ZDHHC14: variants seen among roughly 807,000 people sequenced by gnomAD.
ZDHHC14 encodes zDHHC palmitoyltransferase 14, also known as palmitoyltransferase ZDHHC14.
In ZDHHC14, 16 loss-of-function variants were observed where a neutral mutation model predicts 47.7. The ratio of observed to expected loss-of-function variants is 0.34; its 90% CI spans 0.23 to 0.51. The LOEUF (loss-of-function observed/expected upper bound fraction) is 0.51, where lower values mean the gene tolerates loss of function less well. Among genes scored for constraint, ZDHHC14 ranks in the 20% least tolerant of loss-of-function variants. The pLI is 0.97. For missense variants in ZDHHC14, 515 were observed against 662.5 expected (o/e 0.78, Z 2.44); for synonymous variants, 293 against 278.9 (o/e 1.05, Z -0.50).
chr6:157,511,135 T>TCCAGGGCCCTGCCGTGGGGG (rs1474272293), intron 1 of ZDHHC14, among the ~76,000 whole-genome samples: 31 of 152,302 alleles, frequency 2.0e-4, no homozygotes, highest in Admixed American at 1.5e-3. Flanking sequence ...TTGTGTGGGT[T>TCCAGGGCCCTGCCGTGGGGG]CCAGGGCCCT....
chr6:157,476,756 C>T (rs1779494911), intron 1 of ZDHHC14, among the ~76,000 whole-genome samples: 1 of 152,128 alleles, frequency 6.6e-6, no homozygotes, highest in South Asian at 2.1e-4. Context: ...TCAACATATG[C>T]AAGTCAATAA....
At chr6:157,636,298 A>G (rs762658004) in intron 5 of ZDHHC14, among the ~76,000 whole-genome samples, 38 of 151,584 alleles carry the variant, frequency 2.5e-4, no homozygotes, top group Admixed American at 6.6e-4. Context: ...CTATAGACGC[A>G]CACACACACA....
intron 1 of ZDHHC14, among the ~76,000 whole-genome samples, chr6:157,472,394 G>T (rs1348760128): frequency 2.0e-5 from 3 of 152,104 alleles, no homozygotes; most frequent in Non-Finnish European, 2.9e-5. Flanking sequence ...GGAGATAAAT[G>T]TTTATCCAGC....
chr6:157,640,142 C>T (rs613531), intron 5 of ZDHHC14, among the ~76,000 whole-genome samples: 1 of 152,064 alleles, frequency 6.6e-6, no homozygotes, highest in African/African-American at 2.4e-5. Flanking sequence ...GAGGAAGACC[C>T]CAAAAGGGGA....
chr6:157,604,099 C>A (rs1784439205), intron 3 of ZDHHC14, among the ~76,000 whole-genome samples: 1 of 152,020 alleles, frequency 6.6e-6, no homozygotes, highest in Non-Finnish European at 1.5e-5. Context: ...CCAGCCTGGG[C>A]AACATGGCAA....
chr6:157,442,394 CCAAAA>C (rs1778577779), intron 1 of ZDHHC14, among the ~76,000 whole-genome samples: 1 of 152,118 alleles, frequency 6.6e-6, no homozygotes, highest in Admixed American at 6.5e-5. Context: ...AAAACCCAAA[CCAAAA>C]CAAAACAACT....
intron 3 of ZDHHC14, among the ~76,000 whole-genome samples, chr6:157,613,803 G>A (rs2114926986): frequency 6.6e-6 from 1 of 152,254 alleles, no homozygotes; most frequent in Admixed American, 6.5e-5. Flanking sequence ...TACCTAAAAT[G>A]TGTGAGTGCA....
At chr6:157,491,185 G>A (rs977995768) in intron 1 of ZDHHC14, among the ~76,000 whole-genome samples, 6 of 152,216 alleles carry the variant, frequency 3.9e-5, no homozygotes, top group Non-Finnish European at 7.3e-5. Context: ...TAGGGTATGC[G>A]GCCGCCCTGC....
chr6:157,391,698 C>A (rs1777422196), intron 1 of ZDHHC14, among the ~76,000 whole-genome samples: 1 of 152,192 alleles, frequency 6.6e-6, no homozygotes, highest in Non-Finnish European at 1.5e-5. Flanking sequence ...AAGGAAGCGG[C>A]TATTGGCCTT....
At chr6:157,411,697 A>C (rs965210773) in intron 1 of ZDHHC14, among the ~76,000 whole-genome samples, 4 of 151,718 alleles carry the variant, frequency 2.6e-5, no homozygotes, top group African/African-American at 9.7e-5. Flanking sequence ...TTGTGAGTCT[A>C]TAATTATTTC....
chr6:157,488,398 G>A (rs998774191), intron 1 of ZDHHC14, among the ~76,000 whole-genome samples: 6 of 152,112 alleles, frequency 3.9e-5, no homozygotes, highest in African/African-American at 7.2e-5. Context: ...AAATCCACTC[G>A]CCCTGTGGTC....
In ZDHHC14 at chr6:157,421,544, G is replaced by C. The variant is rs557309599; in HGVS notation, c.245+39278G>C. Among the ~76,000 whole-genome samples the C allele has an allele frequency of 2.0e-5, 3 of 148,490 alleles. No individual in the cohort carries two copies. In the East Asian group the frequency reaches 6.0e-4, roughly 30 times the overall value. The stretch of plus-strand genomic sequence containing the variant: ...ATAAAAGCAAACTGCTCAGTGTACT[G>C]TGCTTTGAGAGCCTTAATGGAAAAG... On this transcript the variant is annotated intron_variant, in intron 1 of 8. Coordinates refer to ENST00000359775, the MANE Select transcript of ZDHHC14 (RefSeq NM_024630.3).
At chr6:157,659,917 G>A (rs147734036) in intron 8 of ZDHHC14, among the ~76,000 whole-genome samples, 5 of 152,342 alleles carry the variant, frequency 3.3e-5, no homozygotes, top group African/African-American at 1.2e-4. Context: ...TGAACTTCAA[G>A]CCATTCTAAG....
intron 2 of ZDHHC14, among the ~76,000 whole-genome samples, chr6:157,572,963 T>G (rs1783158389): frequency 6.6e-6 from 1 of 152,074 alleles, no homozygotes; most frequent in African/African-American, 2.4e-5. Flanking sequence ...AGGGCCTATT[T>G]AAAGTTCTTA....
rs1452453365 is a variant in ZDHHC14, at chr6:157,587,109, AC to A, written c.407-5878del. On this transcript the variant is annotated intron_variant, in intron 2 of 8. Transcript: ENST00000359775. ...CACAATTCAGTTTCTAAACTTTTCTACTGAAATTAACACAAATGTTTGACTG... is the reference window on the plus strand; with the variant it reads ...CACAATTCAGTTTCTAAACTTTTCTATGAAATTAACACAAATGTTTGACTG... Among the ~76,000 whole-genome samples, 9 of 152,324 alleles carry A rather than the reference AC, an allele frequency of 5.9e-5. No homozygotes were observed. In the East Asian group the frequency reaches 1.2e-3, roughly 20 times the overall value.
rs371120312 is a variant in ZDHHC14 at position 157,610,368 on chromosome 6, C to T, written c.565+17222C>T. 5.1e-4 allele frequency among the ~76,000 whole-genome samples: 78 copies of T among 152,168 alleles called. 4 individuals carry two copies. Among genetic ancestry groups the T allele is most frequent in the African/African-American group, 1.7e-3 (69 of 41,530 alleles). ...AATAGCGTGAACCCGGGAGGCGGAG[C>T]TTGCAGTGAGCCGAGATCAGGCCAC... On this transcript the variant is annotated intron_variant, in intron 3 of 8. Coordinates refer to ENST00000359775, the MANE Select transcript of ZDHHC14 (RefSeq NM_024630.3).
intron 1 of ZDHHC14, among the ~76,000 whole-genome samples, chr6:157,508,870 T>C (rs1780394280): frequency 6.6e-6 from 1 of 152,242 alleles, no homozygotes; most frequent in African/African-American, 2.4e-5. Context: ...AGTGTCCTGT[T>C]CTTGCTTTAT....
intron 1 of ZDHHC14, 23 bp from the exon 2 acceptor site, chr6:157,542,562 C>T (rs757431179): frequency 5.2e-5 from 83 of 1,609,182 alleles, no homozygotes; most frequent in Middle Eastern, 1.6e-4. Context: ...CCCTTCTCTC[C>T]GGTCTGTCCA....
chr6:157,573,208 C>T (rs531124327), intron 2 of ZDHHC14, among the ~76,000 whole-genome samples: 1 of 152,288 alleles, frequency 6.6e-6, no homozygotes, highest in South Asian at 2.1e-4. Context: ...CACCCTCTTG[C>T]CAGCTGTTGA....
Sources: allele counts gnomAD v4.1 joint callset (sites outside exome capture counted in the v4.1 genomes callset), GRCh38; gene constraint gnomAD v4.1.1; transcripts MANE v1.5; gene names NCBI Gene and HGNC (gene_info 2026-07-23, HGNC 2026-07-21).